ADCK1: variants seen among roughly 807,000 people sequenced by gnomAD.
The protein encoded by ADCK1 is aarF domain containing kinase 1.
ADCK1 carries 41 observed loss-of-function variants against 52.3 expected under a neutral mutation model. The ratio of observed to expected loss-of-function variants is 0.78; its 90% confidence interval spans 0.61 to 1.02. The LOEUF (loss-of-function observed/expected upper bound fraction) is 1.02. Ranked by LOEUF, ADCK1 falls within the 50% of genes least tolerant of loss-of-function variation. The pLI is 0.00. For synonymous variants in ADCK1, 250 were observed against 274.6 expected, an observed-to-expected ratio of 0.91 and a Z score of 0.89; for missense variants, 658 against 679.5, an observed-to-expected ratio of 0.97 and a Z score of 0.35.
chr14:77,924,743 T>C (rs1477767016), intron 8 of ADCK1, 137 bp downstream of exon 8: 2 of 1,254,862 alleles, frequency 1.6e-6, no homozygotes, highest in African/African-American at 3.0e-5. Flanking sequence ...GGAGCTGTCA[T>C]TTTGTGCAAG....
At chr14:77,880,176 G>A (rs116804676) in intron 4 of ADCK1, among the ~76,000 whole-genome samples, 46 of 152,280 alleles carry the variant, frequency 3.0e-4, no homozygotes, top group African/African-American at 1.0e-3. Context: ...CCTGTCAGCC[G>A]CTGGTCATCA....
In ADCK1 at chr14:77,931,611, A is replaced by G. The variant is rs1324049113; in HGVS notation, c.1300A>G (p.Thr434Ala). ...VPRQMLLILK[T>A]NDLLRGIEAA... ...GCGCCAGATGCTGCTCATCTTGAAG[A>G]CCAACGACCTGCTGCGTGGCATTGA... The change falls in exon 10 of 11, where the codon ACC (threonine) becomes GCC (alanine). Residue 434 changes from threonine to alanine, a missense_variant. By Grantham distance (58) the Thr-to-Ala change is moderately conservative. Coordinates refer to ENST00000238561, the MANE Select transcript of ADCK1 (RefSeq NM_020421.4). 2 of 1,613,588 alleles carry G rather than the reference A, an allele frequency of 1.2e-6. No individual in the cohort carries two copies. Among genetic ancestry groups the G allele is most frequent in the Non-Finnish European group, 1.7e-6 (2 of 1,180,036 alleles).
At chr14:77,827,831 A>G in intron 3 of ADCK1, 1 of 386,992 alleles carries the variant, frequency 2.6e-6, no homozygotes, top group African/African-American at 2.4e-5. Flanking sequence ...AGTTTTTAAA[A>G]GGCTTTTTTT....
intron 9 of ADCK1, among the ~76,000 whole-genome samples, chr14:77,926,415 G>A (rs2084195155): frequency 6.6e-6 from 1 of 152,214 alleles, no homozygotes; most frequent in Non-Finnish European, 1.5e-5. Flanking sequence ...CAAGCTGAGA[G>A]AGCCCTTCAC....
chr14:77,813,823 G>A (rs1215355483), intron 1 of ADCK1, among the ~76,000 whole-genome samples: 2 of 150,920 alleles, frequency 1.3e-5, no homozygotes, highest in Non-Finnish European at 1.5e-5. Flanking sequence ...GCTGTAGTGC[G>A]CAGTGGTGCA....
chr14:77,830,168 C>T (rs1000919675), intron 3 of ADCK1, among the ~76,000 whole-genome samples: 6 of 150,580 alleles, frequency 4.0e-5, no homozygotes, highest in Non-Finnish European at 5.9e-5. Flanking sequence ...GACAGGGTCT[C>T]GCTCTGTTGC....
intron 2 of ADCK1, among the ~76,000 whole-genome samples, chr14:77,821,930 A>G (rs2081592459): frequency 6.6e-6 from 1 of 151,854 alleles, no homozygotes; most frequent in African/African-American, 2.4e-5. Flanking sequence ...ATTAGAGCAA[A>G]CATACATATA....
At chr14:77,898,241 G>T (rs925132381) in intron 5 of ADCK1, among the ~76,000 whole-genome samples, 2 of 152,208 alleles carry the variant, frequency 1.3e-5, no homozygotes, top group African/African-American at 4.8e-5. Flanking sequence ...TCCAGTCTGG[G>T]CTACAGAGTG....
At chr14:77,858,782 T>G (rs572753257) in intron 3 of ADCK1, among the ~76,000 whole-genome samples, 1 of 152,108 alleles carries the variant, frequency 6.6e-6, no homozygotes, top group Non-Finnish European at 1.5e-5. Context: ...CTTGAATGCT[T>G]ATTTCTAGGG....
At chr14:77,910,884 G>A (rs1420543796) in intron 7 of ADCK1, among the ~76,000 whole-genome samples, 2 of 152,204 alleles carry the variant, frequency 1.3e-5, no homozygotes, top group Non-Finnish European at 2.9e-5. Flanking sequence ...GATAAAGCCA[G>A]TGGTCTGTGC....
At chr14:77,877,738 G>A (rs1472821806) in intron 4 of ADCK1, among the ~76,000 whole-genome samples, 1 of 152,170 alleles carries the variant, frequency 6.6e-6, no homozygotes, top group Non-Finnish European at 1.5e-5. Flanking sequence ...CCAAATAGCC[G>A]GGACTACAGG....
chr14:77,844,082 T>C lies in ADCK1; in HGVS notation c.220-14994T>C, dbSNP rs146528579. ...ATAATTTCTTTTTTTCTTTTTTTTTTCTGGAGACAGAGTCTCACTCTGTTG... is the reference window on the plus strand; with the variant it reads ...ATAATTTCTTTTTTTCTTTTTTTTTCCTGGAGACAGAGTCTCACTCTGTTG... On this transcript the variant is annotated intron_variant, in intron 3 of 10. Transcript: ENST00000238561. Among the ~76,000 whole-genome samples the C allele has an allele frequency of 2.9e-3, 442 of 152,140 alleles. 3 individuals carry two copies. Among genetic ancestry groups the C allele is most frequent in the African/African-American group, 0.01 (425 of 41,496 alleles).
At chr14:77,807,835 G>T (rs1362229336) in intron 1 of ADCK1, among the ~76,000 whole-genome samples, 3 of 151,788 alleles carry the variant, frequency 2.0e-5, no homozygotes, top group Admixed American at 1.3e-4. Flanking sequence ...TAGAGATGAG[G>T]TTTTCCCATG....
At chr14:77,900,590 GAAC>G (rs3837641) in intron 6 of ADCK1, 31 of 447,452 alleles carry the variant, frequency 6.9e-5, no homozygotes, top group Non-Finnish European at 1.3e-4. Flanking sequence ...GCGTCTCAAG[GAAC>G]AACAACAACA....
chr14:77,925,991 C>T, intron 9 of ADCK1, 30 bp downstream of exon 9: 2 of 1,612,160 alleles, frequency 1.2e-6, no homozygotes, highest in Non-Finnish European at 1.7e-6. Context: ...CCTGCCTCTT[C>T]CTAAATGCAG....
intron 3 of ADCK1, among the ~76,000 whole-genome samples, chr14:77,842,262 T>G (rs2082083845): frequency 6.6e-6 from 1 of 152,168 alleles, no homozygotes; most frequent in Non-Finnish European, 1.5e-5. Flanking sequence ...AGTTATCATG[T>G]GATTATCTCA....
At chr14:77,853,325 G>T (rs2082352405) in intron 3 of ADCK1, among the ~76,000 whole-genome samples, 1 of 151,190 alleles carries the variant, frequency 6.6e-6, no homozygotes, top group African/African-American at 2.4e-5. Context: ...TTGCCATATT[G>T]CCCAGGCTGG....
chr14:77,862,577 A>T (rs567033010), intron 4 of ADCK1, among the ~76,000 whole-genome samples: 3 of 152,160 alleles, frequency 2.0e-5, no homozygotes, highest in Non-Finnish European at 4.4e-5. Flanking sequence ...GAGGCTGTTG[A>T]CCACCCTGGG....
chr14:77,893,807 C>T (rs956492598), intron 5 of ADCK1, among the ~76,000 whole-genome samples: 1 of 149,384 alleles, frequency 6.7e-6, no homozygotes, highest in Admixed American at 6.7e-5. Context: ...GACCTTGGCT[C>T]ACTGCAACCT....
Sources: allele counts gnomAD v4.1 joint callset (sites outside exome capture counted in the v4.1 genomes callset), GRCh38; gene constraint gnomAD v4.1.1; transcripts MANE v1.5; gene names NCBI Gene and HGNC (gene_info 2026-07-23, HGNC 2026-07-21).